PTPRD: variants seen among roughly 807,000 people sequenced by gnomAD.
PTPRD encodes the protein receptor-type tyrosine-protein phosphatase delta.
A neutral mutation model predicts 214.5 loss-of-function variants in PTPRD; 34 were observed. The ratio of observed to expected loss-of-function variants is 0.16; its 90% confidence interval spans 0.12 to 0.21. The LOEUF (loss-of-function observed/expected upper bound fraction) is 0.21. Among genes scored for constraint, PTPRD ranks in the 10% least tolerant of loss-of-function variants. The pLI is 1.00. For missense variants in PTPRD, 2,545 were observed against 2,398.7 expected (o/e 1.06, Z -1.27); for synonymous variants, 1,128 against 845.7 (o/e 1.33, Z -5.79).
chr9:9,020,634 A>G (rs968888034), intron 10 of PTPRD, among the ~76,000 whole-genome samples: 1 of 152,180 alleles, frequency 6.6e-6, no homozygotes, highest in African/African-American at 2.4e-5. Flanking sequence ...AGTGGAATAC[A>G]AGAATTCCAT....
chr9:9,260,239 C>T (rs2099979488), intron 9 of PTPRD, among the ~76,000 whole-genome samples: 2 of 151,766 alleles, frequency 1.3e-5, no homozygotes, highest in South Asian at 2.1e-4. Flanking sequence ...AAAGCAAACT[C>T]CATCAGCTAA....
chr9:9,394,951 A>C (rs1036477097), intron 9 of PTPRD, among the ~76,000 whole-genome samples: 1 of 152,108 alleles, frequency 6.6e-6, no homozygotes, highest in Non-Finnish European at 1.5e-5. Flanking sequence ...AATCAAATGA[A>C]TTTTAATAAT....
chr9:9,392,055 C>T lies in PTPRD; in HGVS notation c.-203+5394G>A, dbSNP rs752070759. On this transcript the variant is annotated intron_variant, in intron 9 of 45. Coordinates refer to ENST00000381196, the MANE Select transcript of PTPRD (RefSeq NM_002839.4). ...GGTGGAAAGTACCAAATTTATAGTC[C>T]TAGAGACAAATATTCTCTGTAGAGT... 2.0e-4 allele frequency among the ~76,000 whole-genome samples: 30 copies of T among 152,004 alleles called. 1 individual carries two copies. Among genetic ancestry groups the T allele is most frequent in the Non-Finnish European group, 1.3e-4 (9 of 67,996 alleles).
At chr9:10,083,442 GA>G (rs1386553236) in intron 3 of PTPRD, among the ~76,000 whole-genome samples, 2 of 152,022 alleles carry the variant, frequency 1.3e-5, no homozygotes, top group Admixed American at 6.6e-5. Flanking sequence ...AAGAGAAATA[GA>G]TATACTTCTG....
intron 5 of PTPRD, among the ~76,000 whole-genome samples, chr9:9,881,622 G>A (rs796637102): frequency 8.5e-5 from 13 of 152,188 alleles, no homozygotes; most frequent in African/African-American, 3.1e-4. Flanking sequence ...TAGCTTTGGG[G>A]GCATAGCAAA....
chr9:10,097,561 A>G (rs1204400484), intron 3 of PTPRD, among the ~76,000 whole-genome samples: 1 of 151,624 alleles, frequency 6.6e-6, no homozygotes, highest in Admixed American at 6.6e-5. Flanking sequence ...GTGTATAAGA[A>G]CGCTTGTGAT....
chr9:9,941,883 A>T (rs73643828), intron 4 of PTPRD, among the ~76,000 whole-genome samples: 3,959 of 152,296 alleles, frequency 0.026, 190 homozygotes, highest in African/African-American at 0.091. Flanking sequence ...AAAAATCAGT[A>T]GTTATTAGCT....
rs1328753573 is a variant in PTPRD at position 8,559,500 on chromosome 9, G to C, written c.353-30721C>G. On this transcript the variant is annotated intron_variant, in intron 14 of 45. Transcript: ENST00000381196. ...GGTTTATGCTTATTTCATCTGAATA[G>C]AGAAACCAGAAGTTATCATCCTTAA... Among the ~76,000 whole-genome samples the C allele has an allele frequency of 2.0e-5, 3 of 152,146 alleles. No individual in the cohort carries two copies. In the East Asian group the frequency reaches 5.8e-4, roughly 29 times the overall value.
chr9:8,485,476 T>G (rs1453251874), intron 28 of PTPRD, 152 bp from the exon 29 acceptor site: 1 of 631,448 alleles, frequency 1.6e-6, no homozygotes, highest in Admixed American at 3.0e-5. Context: ...GCATTCATTT[T>G]AATACCCCAT....
chr9:9,106,341 A>AT (rs1463062804), intron 10 of PTPRD, among the ~76,000 whole-genome samples: 1 of 151,960 alleles, frequency 6.6e-6, no homozygotes, highest in African/African-American at 2.4e-5. Flanking sequence ...GGCATGTACC[A>AT]TTTGTGTTTT....
chr9:10,262,885 C>T (rs1219912659), intron 3 of PTPRD, among the ~76,000 whole-genome samples: 1 of 152,072 alleles, frequency 6.6e-6, no homozygotes, highest in Non-Finnish European at 1.5e-5. Context: ...CCCATAATTC[C>T]CACATGTTGT....
At chr9:8,434,959 G>C (rs770386409) in intron 35 of PTPRD, among the ~76,000 whole-genome samples, 1 of 152,208 alleles carries the variant, frequency 6.6e-6, no homozygotes, top group East Asian at 1.9e-4. Context: ...AAGACAACGT[G>C]CAATCCGGTG....
At chr9:8,990,939 G>C (rs894915899) in intron 11 of PTPRD, among the ~76,000 whole-genome samples, 1 of 152,068 alleles carries the variant, frequency 6.6e-6, no homozygotes, top group Non-Finnish European at 1.5e-5. Flanking sequence ...GATAGGCCAG[G>C]CACAGTGGCT....
chr9:8,826,709 G>C (rs969063918), intron 11 of PTPRD, among the ~76,000 whole-genome samples: 4 of 151,314 alleles, frequency 2.6e-5, no homozygotes, highest in Admixed American at 2.0e-4. Flanking sequence ...CCTGCTGGAC[G>C]GTAAGCCCCT....
chr9:8,907,657 C>A (rs1014084050), intron 11 of PTPRD, among the ~76,000 whole-genome samples: 2 of 148,712 alleles, frequency 1.3e-5, no homozygotes, highest in Non-Finnish European at 3.0e-5. Flanking sequence ...GGTACAATAA[C>A]AAAGATGAGA....
Position 10,005,144 on chromosome 9 carries a change from T to C in PTPRD, c.-472+28574A>G, listed in dbSNP as rs759521457. On this transcript the variant is annotated intron_variant, in intron 4 of 45. Transcript: ENST00000381196. ...TTTTCAGCCCATTTAAAGGTCATTG[T>C]ATAACCTTTGGGCGATTATAATAAC... Among the ~76,000 whole-genome samples, 18 of 152,246 alleles carry C rather than the reference T, an allele frequency of 1.2e-4. 1 individual carries two copies. The highest frequency in any genetic ancestry group is 3.4e-3 in the Middle Eastern group (1 of 294).
intron 11 of PTPRD, among the ~76,000 whole-genome samples, chr9:8,762,402 T>A (rs2094467212): frequency 6.6e-6 from 1 of 152,214 alleles, no homozygotes; most frequent in African/African-American, 2.4e-5. Context: ...AGAAGTCAGC[T>A]ATGTTGATAG....
intron 14 of PTPRD, among the ~76,000 whole-genome samples, chr9:8,628,250 C>T (rs1481777258): frequency 1.3e-5 from 2 of 151,810 alleles, no homozygotes; most frequent in Non-Finnish European, 2.9e-5. Context: ...AGACTGTAAT[C>T]AACATGCTAA....
intron 2 of PTPRD, among the ~76,000 whole-genome samples, chr9:10,482,344 C>A (rs974932779): frequency 1.1e-4 from 16 of 151,878 alleles, no homozygotes; most frequent in East Asian, 1.9e-4. Flanking sequence ...GCACTCCAGC[C>A]TGGGCGACAG....
Sources: gnomAD v4.1 joint callset for allele counts (sites outside exome capture counted in the v4.1 genomes callset) on GRCh38, gnomAD v4.1.1 for gene constraint, MANE v1.5 for transcripts, NCBI Gene and HGNC (gene_info 2026-07-23, HGNC 2026-07-21) for gene names.